Variants in NXPH1 observed in about 807,000 individuals in gnomAD.
NXPH1 encodes the protein neurexophilin-1.
In NXPH1, 5 loss-of-function variants were observed where a neutral mutation model predicts 23.7. The observed-to-expected ratio is 0.21, with a 90% CI of 0.11 to 0.44. The LOEUF (loss-of-function observed/expected upper bound fraction) is 0.44, where lower values mean the gene tolerates loss of function less well. Among genes scored for constraint, NXPH1 ranks in the 20% least tolerant of loss-of-function variants. The pLI, the probability that NXPH1 is intolerant of heterozygous loss-of-function variation, is 0.99. For synonymous variants in NXPH1, 144 were observed against 122.2 expected (o/e 1.18, Z -1.18); for missense variants, 324 against 321.6 (o/e 1.01, Z -0.06).
intron 2 of NXPH1, among the ~76,000 whole-genome samples, chr7:8,695,248 A>G (rs1302248379): frequency 1.3e-5 from 2 of 152,226 alleles, no homozygotes; most frequent in Admixed American, 6.5e-5. Context: ...TTACTGTCTC[A>G]TGTAATCCTC....
chr7:8,527,350 G>C (rs1429021815), intron 2 of NXPH1, among the ~76,000 whole-genome samples: 1 of 152,184 alleles, frequency 6.6e-6, no homozygotes, highest in Non-Finnish European at 1.5e-5. Flanking sequence ...TAGGCAGAAG[G>C]GGGCACTCAG....
intron 2 of NXPH1, among the ~76,000 whole-genome samples, chr7:8,730,295 A>G (rs1360822433): frequency 1.5e-4 from 22 of 149,330 alleles, no homozygotes; most frequent in African/African-American, 5.2e-4. Context: ...TCTTTATCCA[A>G]TTTGCCAGTC....
At chr7:8,622,802 T>C (rs1454462355) in intron 2 of NXPH1, among the ~76,000 whole-genome samples, 2 of 152,172 alleles carry the variant, frequency 1.3e-5, no homozygotes, top group Non-Finnish European at 2.9e-5. Context: ...ACCTATACAG[T>C]ACAAGTGCGA....
intron 2 of NXPH1, among the ~76,000 whole-genome samples, chr7:8,745,052 C>T (rs752805603): frequency 6.6e-6 from 1 of 152,206 alleles, no homozygotes; most frequent in South Asian, 2.1e-4. Flanking sequence ...TCCCTATTTC[C>T]TGTAAGATTA....
At chr7:8,480,564 G>A (rs943673877) in intron 2 of NXPH1, among the ~76,000 whole-genome samples, 2 of 152,092 alleles carry the variant, frequency 1.3e-5, no homozygotes, top group African/African-American at 2.4e-5. Flanking sequence ...CTAACACTTG[G>A]TGTCAGGAAA....
chr7:8,682,148 C>T (rs904923342), intron 2 of NXPH1, among the ~76,000 whole-genome samples: 2 of 152,044 alleles, frequency 1.3e-5, no homozygotes, highest in East Asian at 3.9e-4. Context: ...AGGGAGGGGC[C>T]GAGCAGGCAG....
intron 2 of NXPH1, among the ~76,000 whole-genome samples, chr7:8,608,013 C>T (rs61189275): frequency 0.021 from 3,270 of 152,286 alleles, 110 homozygotes; most frequent in African/African-American, 0.07. Context: ...GTGGTGACCA[C>T]CAGAAACTGG....
intron 2 of NXPH1, among the ~76,000 whole-genome samples, chr7:8,530,436 G>T (rs928850466): frequency 1.3e-5 from 2 of 152,176 alleles, no homozygotes; most frequent in Non-Finnish European, 2.9e-5. Flanking sequence ...GAATGAAGGA[G>T]GTTAGTCTAG....
At chr7:8,606,682 A>C (rs1451787854) in intron 2 of NXPH1, among the ~76,000 whole-genome samples, 1 of 152,174 alleles carries the variant, frequency 6.6e-6, no homozygotes, top group Non-Finnish European at 1.5e-5. Flanking sequence ...TTGTTAAATG[A>C]ATTGCCTCTG....
At chr7:8,605,312 G>A (rs964050367) in intron 2 of NXPH1, among the ~76,000 whole-genome samples, 3 of 152,132 alleles carry the variant, frequency 2.0e-5, no homozygotes, top group African/African-American at 7.2e-5. Context: ...AATGGTTGCA[G>A]TTATTTTCAT....
intron 2 of NXPH1, among the ~76,000 whole-genome samples, chr7:8,748,833 C>G (rs1180130885): frequency 6.6e-6 from 1 of 152,146 alleles, no homozygotes; most frequent in African/African-American, 2.4e-5. Flanking sequence ...GACAAACTTG[C>G]AGGGTTTTTA....
chr7:8,635,631 G>A (rs1031609187), intron 2 of NXPH1, among the ~76,000 whole-genome samples: 4 of 152,174 alleles, frequency 2.6e-5, no homozygotes, highest in East Asian at 1.9e-4. Context: ...GTTGGAGAGT[G>A]ACTGTGATGA....
At chr7:8,528,315 C>T (rs2128616920) in intron 2 of NXPH1, among the ~76,000 whole-genome samples, 1 of 152,308 alleles carries the variant, frequency 6.6e-6, no homozygotes, top group East Asian at 1.9e-4. Flanking sequence ...CTGGGGGGAG[C>T]CAGAGTGGGT....
intron 2 of NXPH1, among the ~76,000 whole-genome samples, chr7:8,671,769 T>A (rs1169002269): frequency 6.6e-6 from 1 of 152,220 alleles, no homozygotes; most frequent in Non-Finnish European, 1.5e-5. Flanking sequence ...AACAGTGTTT[T>A]AGGATGGAAT....
At chr7:8,726,161 A>G (rs1436955513) in intron 2 of NXPH1, among the ~76,000 whole-genome samples, 1 of 152,192 alleles carries the variant, frequency 6.6e-6, no homozygotes, top group African/African-American at 2.4e-5. Flanking sequence ...AGTTGTATAT[A>G]AGAACATCTG....
At chr7:8,530,076 AC>A (rs948413072) in intron 2 of NXPH1, among the ~76,000 whole-genome samples, 5 of 152,160 alleles carry the variant, frequency 3.3e-5, no homozygotes, top group African/African-American at 1.2e-4. Context: ...TATCAGAGTC[AC>A]CCTACAACTA....
chr7:8,470,579 C>A (rs1055942342), intron 2 of NXPH1, among the ~76,000 whole-genome samples: 58 of 152,206 alleles, frequency 3.8e-4, no homozygotes, highest in African/African-American at 1.4e-3. Context: ...AAAAGGTAGA[C>A]CTGGTGCCTG....
intron 2 of NXPH1, among the ~76,000 whole-genome samples, chr7:8,743,629 C>G (rs1205686400): frequency 7.9e-5 from 12 of 151,836 alleles, no homozygotes; most frequent in Non-Finnish European, 1.3e-4. Flanking sequence ...TGTAATTATG[C>G]TCCTAAGACA....
chr7:8,457,562 A>C (rs1235976120), intron 2 of NXPH1, among the ~76,000 whole-genome samples: 1 of 129,558 alleles, frequency 7.7e-6, no homozygotes, highest in South Asian at 2.4e-4. Flanking sequence ...TTTTAATTTT[A>C]TTAAAAAAAA....
Sources: allele counts gnomAD v4.1 joint callset (sites outside exome capture counted in the v4.1 genomes callset), GRCh38; gene constraint gnomAD v4.1.1; transcripts MANE v1.5; gene names NCBI Gene and HGNC (gene_info 2026-07-23, HGNC 2026-07-21).